The following SGIP1 variants were observed in gnomAD, a reference collection of about 807,000 sequenced individuals.
The protein encoded by SGIP1 is SH3-containing GRB2-like protein 3-interacting protein 1.
Under a neutral mutation model 107.5 loss-of-function variants are expected in SGIP1, and 38 were observed. The observed-to-expected ratio is 0.35, with a 90% CI of 0.27 to 0.46. The LOEUF (loss-of-function observed/expected upper bound fraction) is 0.46, where lower values mean the gene tolerates loss of function less well. Ranked by LOEUF, SGIP1 falls within the 20% of genes least tolerant of loss-of-function variation. The pLI is 1.00. For synonymous variants in SGIP1, 365 were observed against 366.1 expected (o/e 1.00, Z 0.03); for missense variants, 929 against 1,019.5 (o/e 0.91, Z 1.21).
At chr1:66,565,834 G>T (rs1429540419) in intron 1 of SGIP1, among the ~76,000 whole-genome samples, 1 of 151,982 alleles carries the variant, frequency 6.6e-6, no homozygotes, top group Admixed American at 6.6e-5. Flanking sequence ...CTTCGCTCTT[G>T]TAGAATATAA....
chr1:66,666,237 C>G (rs1302713146), intron 8 of SGIP1: 1 of 153,494 alleles, frequency 6.5e-6, no homozygotes, highest in African/African-American at 2.4e-5. Context: ...GAATCCTTTC[C>G]CCATTGCTTG....
At chr1:66,656,053 T>A (rs2079706379) in intron 7 of SGIP1, among the ~76,000 whole-genome samples, 1 of 148,930 alleles carries the variant, frequency 6.7e-6, no homozygotes, top group African/African-American at 2.5e-5. Context: ...TTTTAATACT[T>A]TATAATAGTT....
intron 15 of SGIP1, 119 bp from the exon 16 acceptor site, chr1:66,689,029 G>A (rs1222355150): frequency 2.6e-6 from 3 of 1,154,626 alleles, no homozygotes; most frequent in Non-Finnish European, 2.4e-6. Flanking sequence ...ACAGTGTTTA[G>A]TGTAGTAACT....
chr1:66,660,572 G>A (rs1477374625), intron 8 of SGIP1, 48 bp downstream of exon 8: 48 of 1,555,590 alleles, frequency 3.1e-5, no homozygotes, highest in Non-Finnish European at 4.1e-5. Flanking sequence ...TATTTATTCT[G>A]TTTATTTTCA....
chr1:66,725,174 A>C (rs2150516599), intron 19 of SGIP1, among the ~76,000 whole-genome samples: 1 of 152,314 alleles, frequency 6.6e-6, no homozygotes, highest in South Asian at 2.1e-4. Flanking sequence ...AGAGCACTAC[A>C]AAGTTATGGA....
chr1:66,701,318 A>C (rs1308117443), intron 18 of SGIP1, among the ~76,000 whole-genome samples: 1 of 152,148 alleles, frequency 6.6e-6, no homozygotes, highest in Non-Finnish European at 1.5e-5. Context: ...CACTTACCCC[A>C]CTGAAGGCCC....
chr1:66,695,201 A>G (rs16844), intron 17 of SGIP1: 228,740 of 784,330 alleles, frequency 0.29, 35,072 homozygotes, highest in African/African-American at 0.34. Flanking sequence ...CCACCAACAC[A>G]TTCCCATTCC....
chr1:66,679,616 A>C (rs779727718), intron 13 of SGIP1, 62 bp from the exon 14 acceptor site: 193 of 1,510,786 alleles, frequency 1.3e-4, no homozygotes, highest in Non-Finnish European at 1.5e-4. Flanking sequence ...GCTTATTTAA[A>C]GTGTATTGTA....
chr1:66,627,907 C>A (rs1166013414), intron 2 of SGIP1, among the ~76,000 whole-genome samples: 2 of 149,126 alleles, frequency 1.3e-5, no homozygotes, highest in African/African-American at 5.0e-5. Context: ...CCTCCCCCAC[C>A]CCACAACAGG....
At chr1:66,550,854 A>T (rs1019048326) in intron 1 of SGIP1, among the ~76,000 whole-genome samples, 1 of 152,116 alleles carries the variant, frequency 6.6e-6, no homozygotes, top group Admixed American at 6.6e-5. Flanking sequence ...AGGTGGTATG[A>T]CCATAGACTT....
intron 18 of SGIP1, among the ~76,000 whole-genome samples, chr1:66,696,093 A>T (rs2090871424): frequency 6.6e-6 from 1 of 152,212 alleles, no homozygotes. Context: ...CTATTGCTGG[A>T]CTTGCCATTT....
intron 1 of SGIP1, among the ~76,000 whole-genome samples, chr1:66,585,802 G>A (rs751276849): frequency 5.3e-5 from 8 of 152,060 alleles, no homozygotes; most frequent in Non-Finnish European, 1.2e-4. Context: ...GAGCTTTGGA[G>A]TTTTCTAAGG....
intron 1 of SGIP1, chr1:66,616,263 T>G (rs1458698574): frequency 6.6e-6 from 1 of 152,232 alleles, no homozygotes; most frequent in East Asian, 1.9e-4. Context: ...ATTTTGATGA[T>G]TTTCAAATTT....
At chr1:66,721,809 T>A (rs997528109) in intron 19 of SGIP1, among the ~76,000 whole-genome samples, 1 of 152,184 alleles carries the variant, frequency 6.6e-6, no homozygotes, top group Non-Finnish European at 1.5e-5. Context: ...CTTTGTCTGC[T>A]TCCTAATTGG....
At chr1:66,561,148 C>T (rs2058880802) in intron 1 of SGIP1, among the ~76,000 whole-genome samples, 1 of 152,078 alleles carries the variant, frequency 6.6e-6, no homozygotes. Context: ...GGCATTGTCT[C>T]ATTGAAGCCT....
rs1006723577 is a variant in SGIP1, at chr1:66,743,636, T to C, written c.*541T>C. The stretch of plus-strand genomic sequence containing the variant: ...ACTCTAGTGCTAAATAAAAACTCTA[T>C]CTTCAAATGTTTAGTGGGTTAAATT... On this transcript the variant is annotated 3_prime_UTR_variant, in exon 25 of 25. Transcript: ENST00000371037. 1.3e-5 allele frequency: 2 copies of C among 152,514 alleles called. No homozygotes were observed. Among genetic ancestry groups the C allele is most frequent in the Non-Finnish European group, 2.9e-5 (2 of 68,006 alleles). 9.4% of individuals were successfully genotyped at this position (152,514 alleles called of 1,614,324 possible).
rs2059771045 is a variant in SGIP1 at position 66,567,176 on chromosome 1, C to T, written c.10+32808C>T. Among the ~76,000 whole-genome samples, 5 of 152,008 alleles carry T rather than the reference C, an allele frequency of 3.3e-5. No individual in the cohort carries two copies. In the South Asian group the frequency reaches 1.0e-3, roughly 32 times the overall value. The stretch of plus-strand genomic sequence containing the variant: ...ACAGCCTCTCCAGCATCTATTGTTT[C>T]TTGACATTTTAATAATCACCATTCT... On this transcript the variant is annotated intron_variant, in intron 1 of 24. Transcript: ENST00000371037.
rs905161805 is a variant in SGIP1 at position 66,744,479 on chromosome 1, T to C, written c.*1384T>C. ...AAAATGTTAGTCTTCCTTTAAGTCA[T>C]AGAACTTATTTAAACATAAACCAAT... On this transcript the variant is annotated 3_prime_UTR_variant, in exon 25 of 25. Coordinates refer to ENST00000371037, the MANE Select transcript of SGIP1 (RefSeq NM_032291.4). 2.0e-5 allele frequency: 3 copies of C among 152,124 alleles called. No individual in the cohort carries two copies. Among genetic ancestry groups the C allele is most frequent in the Admixed American group, 6.5e-5 (1 of 15,282 alleles). The allele number at this position is 152,124 out of a possible 1,614,324, so 9.4% of individuals were successfully genotyped here.
At chr1:66,538,836 A>T (rs771755349) in intron 1 of SGIP1, among the ~76,000 whole-genome samples, 10 of 152,292 alleles carry the variant, frequency 6.6e-5, no homozygotes, top group Non-Finnish European at 1.2e-4. Context: ...TGTGTTTTTA[A>T]TTTTGGATGT....
Sources: allele counts gnomAD v4.1 joint callset (sites outside exome capture counted in the v4.1 genomes callset), GRCh38; gene constraint gnomAD v4.1.1; transcripts MANE v1.5; gene names NCBI Gene and HGNC (gene_info 2026-07-23, HGNC 2026-07-21).